KDM4C: variants seen among roughly 807,000 people sequenced by gnomAD.
KDM4C encodes the protein lysine demethylase 4C.
Under a neutral mutation model 129.3 loss-of-function variants are expected in KDM4C, and 81 were observed. That is an observed-to-expected ratio of 0.63 (90% CI 0.52 to 0.75). KDM4C has a LOEUF of 0.75. Ranked by LOEUF, KDM4C falls within the 30% of genes least tolerant of loss-of-function variation. The pLI is 0.00. For missense variants in KDM4C, 1,457 were observed against 1,304.0 expected (o/e 1.12, Z -1.81); for synonymous variants, 573 against 456.1 (o/e 1.26, Z -3.26).
intron 1 of KDM4C, among the ~76,000 whole-genome samples, chr9:6,762,539 T>C (rs1195009277): frequency 6.6e-6 from 1 of 151,698 alleles, no homozygotes; most frequent in Non-Finnish European, 1.5e-5. Flanking sequence ...GTATCTTTTT[T>C]ATCGCTACAA....
intron 18 of KDM4C, among the ~76,000 whole-genome samples, chr9:7,110,492 A>G (rs140599849): frequency 1.6e-3 from 242 of 152,066 alleles, no homozygotes; most frequent in African/African-American, 5.6e-3. Context: ...AAAGATTTGG[A>G]CCTGTTTTTC....
intron 18 of KDM4C, among the ~76,000 whole-genome samples, chr9:7,123,189 A>T (rs1839685856): frequency 6.6e-6 from 1 of 152,182 alleles, no homozygotes; most frequent in Non-Finnish European, 1.5e-5. Flanking sequence ...TAACCAGCCA[A>T]TCTGCATAAA....
intron 1 of KDM4C, among the ~76,000 whole-genome samples, chr9:6,777,561 A>G (rs573829039): frequency 6.6e-6 from 1 of 151,986 alleles, no homozygotes; most frequent in Non-Finnish European, 1.5e-5. Flanking sequence ...CATTTTTGAG[A>G]TTGTTCCCTT....
upstream of KDM4C, among the ~76,000 whole-genome samples, chr9:6,755,792 C>G (rs960948842): frequency 6.6e-6 from 1 of 152,144 alleles, no homozygotes; most frequent in African/African-American, 2.4e-5. Flanking sequence ...ACATTAGGGA[C>G]ACAAGACTGC....
chr9:6,721,271 C>CTT (rs1300448717), intron 1 of KDM4C: 131 of 75,190 alleles, frequency 1.7e-3, no homozygotes, highest in African/African-American at 1.9e-3. Flanking sequence ...TTTAAATTAA[C>CTT]TTTTTTTTTT....
intron 17 of KDM4C, 92 bp from the exon 18 acceptor site, chr9:7,103,593 T>TTTTC: frequency 2.1e-6 from 2 of 955,720 alleles, no homozygotes; most frequent in Non-Finnish European, 3.1e-6. Context: ...TTTTTTTTTT[T>TTTTC]TTCTTCTCTA....
At chr9:6,965,546 T>A (rs1324959785) in intron 8 of KDM4C, among the ~76,000 whole-genome samples, 3 of 152,170 alleles carry the variant, frequency 2.0e-5, no homozygotes, top group Non-Finnish European at 4.4e-5. Context: ...CTGAGAAACC[T>A]CAAGACTCTG....
At chr9:6,794,868 TGAAA>T (rs1203894112) in intron 2 of KDM4C, among the ~76,000 whole-genome samples, 3 of 152,170 alleles carry the variant, frequency 2.0e-5, no homozygotes, top group African/African-American at 7.2e-5. Context: ...GTAAGATCTT[TGAAA>T]GAGAGATCCA....
chr9:6,744,925 T>C (rs1817827021), intron 1 of KDM4C, among the ~76,000 whole-genome samples: 1 of 152,104 alleles, frequency 6.6e-6, no homozygotes, highest in Non-Finnish European at 1.5e-5. Flanking sequence ...TGCAGAAACA[T>C]GCCTCCAGCA....
chr9:6,774,130 C>A (rs1419208810), intron 1 of KDM4C, among the ~76,000 whole-genome samples: 1 of 151,904 alleles, frequency 6.6e-6, no homozygotes, highest in African/African-American at 2.4e-5. Flanking sequence ...TCAAGTGATC[C>A]ACCTGCCTCA....
At chr9:7,092,255 A>G (rs2133054578) in intron 17 of KDM4C, among the ~76,000 whole-genome samples, 1 of 152,320 alleles carries the variant, frequency 6.6e-6, no homozygotes, top group East Asian at 1.9e-4. Flanking sequence ...CAGCTGTGGA[A>G]CCTGAGGCTC....
At chr9:6,912,314 C>T (rs1046774484) in intron 8 of KDM4C, among the ~76,000 whole-genome samples, 1 of 152,178 alleles carries the variant, frequency 6.6e-6, no homozygotes, top group Non-Finnish European at 1.5e-5. Flanking sequence ...GCAGTCAGGA[C>T]CCTTAACCTC....
intron 17 of KDM4C, among the ~76,000 whole-genome samples, chr9:7,081,790 A>T (rs1834549236): frequency 6.6e-6 from 1 of 152,152 alleles, no homozygotes; most frequent in South Asian, 2.1e-4. Flanking sequence ...AGCCTTGGAG[A>T]TGAGTTCAGA....
chr9:7,011,893 C>G lies in KDM4C; in HGVS notation c.1968+14C>G, dbSNP rs1443413547. The G allele has an allele frequency of 1.9e-6, 3 of 1,606,840 alleles. No homozygotes were observed. The highest frequency in any genetic ancestry group is 2.2e-5 in the East Asian group (1 of 44,830). On this transcript the variant is annotated intron_variant, in intron 13 of 21. Coordinates refer to ENST00000381309, the MANE Select transcript of KDM4C (RefSeq NM_015061.6). ...CCGTACCACAAGGTAAAGGAGCCTG[C>G]TATCATAGTTCCCTTCACTGCTCTG...
intron 8 of KDM4C, among the ~76,000 whole-genome samples, chr9:6,924,541 A>T (rs1195590469): frequency 2.6e-5 from 4 of 152,136 alleles, no homozygotes; most frequent in Non-Finnish European, 5.9e-5. Context: ...GGACTAGATT[A>T]TTGACACCTC....
intron 8 of KDM4C, among the ~76,000 whole-genome samples, chr9:6,900,603 C>T (rs777688209): frequency 5.9e-5 from 9 of 152,208 alleles, no homozygotes; most frequent in African/African-American, 2.2e-4. Context: ...CCACTGCACT[C>T]CAGCCTGGGC....
chr9:7,041,484 G>C (rs1261526966), intron 15 of KDM4C, among the ~76,000 whole-genome samples: 1 of 151,808 alleles, frequency 6.6e-6, no homozygotes, highest in Non-Finnish European at 1.5e-5. Flanking sequence ...ATTCCAGTTT[G>C]CTTCTCAATC....
chr9:6,885,809 A>G (rs1845177824), intron 6 of KDM4C, among the ~76,000 whole-genome samples: 1 of 152,174 alleles, frequency 6.6e-6, no homozygotes, highest in South Asian at 2.1e-4. Flanking sequence ...TGTAAAATAT[A>G]ATTCTGATAG....
chr9:7,026,207 GAA>G (rs760954244), intron 15 of KDM4C, among the ~76,000 whole-genome samples: 6 of 110,210 alleles, frequency 5.4e-5, no homozygotes, highest in Admixed American at 9.3e-5. Flanking sequence ...GCCATCTCAA[GAA>G]AAAAAAAAAA....
Sources: allele counts gnomAD v4.1 joint callset (sites outside exome capture counted in the v4.1 genomes callset), GRCh38; gene constraint gnomAD v4.1.1; transcripts MANE v1.5; gene names NCBI Gene and HGNC (gene_info 2026-07-23, HGNC 2026-07-21).